RBFOX1: variants seen among roughly 807,000 people sequenced by gnomAD.
RBFOX1 encodes the protein RNA binding protein fox-1 homolog 1.
A neutral mutation model predicts 57.7 loss-of-function variants in RBFOX1; 8 were observed. The observed-to-expected ratio is 0.14, with a 90% CI of 0.08 to 0.25. RBFOX1 has a LOEUF of 0.25. Ranked by LOEUF, RBFOX1 falls within the 10% of genes least tolerant of loss-of-function variation. RBFOX1 has a pLI of 1.00. For missense variants in RBFOX1, 611 were observed against 548.5 expected (o/e 1.11, Z -1.14); for synonymous variants, 326 against 222.4 (o/e 1.47, Z -4.15).
At chr16:6,412,404 G>T (rs577711374) in intron 2 of RBFOX1, among the ~76,000 whole-genome samples, 29 of 152,234 alleles carry the variant, frequency 1.9e-4, no homozygotes, top group African/African-American at 6.5e-4. Flanking sequence ...GGCCTTATTA[G>T]TCTCTCTGGT....
intron 1 of RBFOX1, among the ~76,000 whole-genome samples, chr16:5,413,804 G>A (rs1371831343): frequency 1.3e-5 from 2 of 152,194 alleles, no homozygotes; most frequent in Non-Finnish European, 2.9e-5. Flanking sequence ...TAGGGGTGAG[G>A]TGTGGAGGGT....
chr16:6,850,813 C>G (rs1474963314), intron 3 of RBFOX1, among the ~76,000 whole-genome samples: 1 of 152,184 alleles, frequency 6.6e-6, no homozygotes, highest in African/African-American at 2.4e-5. Context: ...AAAATCATCT[C>G]TCATTTTCTT....
Position 6,193,362 on chromosome 16 carries a change from A to ATATATATATACACATTATATATATATAC in RBFOX1, c.-126-123623_-126-123622insCACATTATATATATATACTATATATATA, listed in dbSNP as rs1555545277. On this transcript the variant is annotated intron_variant, in intron 1 of 15. Transcript: ENST00000550418. ...TTCTTTACATATATATACATTATATATATATATATATATACATTATATATA... is the reference window on the plus strand; with the variant it reads ...TTCTTTACATATATATACATTATATATATATATATACACATTATATATATATACTATATATATATATACATTATATATA... 1.3e-3 allele frequency among the ~76,000 whole-genome samples: 127 copies of ATATATATATACACATTATATATATATAC among 101,308 alleles called. 10 individuals carry two copies. Among genetic ancestry groups the ATATATATATACACATTATATATATATAC allele is most frequent in the Non-Finnish European group, 1.8e-3 (91 of 50,568 alleles). 66.5% of individuals were successfully genotyped at this position (101,308 alleles called of 152,430 possible).
intron 3 of RBFOX1, among the ~76,000 whole-genome samples, chr16:6,911,787 AGAGAT>A (rs1318585195): frequency 6.6e-6 from 1 of 152,162 alleles, no homozygotes; most frequent in East Asian, 1.9e-4. Flanking sequence ...CACTTATAGA[AGAGAT>A]CTATTTTTTC....
chr16:7,046,709 G>A (rs916893275), intron 3 of RBFOX1, among the ~76,000 whole-genome samples: 8 of 144,854 alleles, frequency 5.5e-5, no homozygotes, highest in Non-Finnish European at 1.0e-4. Flanking sequence ...GGGTTCAAAC[G>A]ATTCTCCTGC....
chr16:5,555,274 A>T (rs1322124373), intron 2 of RBFOX1, among the ~76,000 whole-genome samples: 4 of 151,888 alleles, frequency 2.6e-5, no homozygotes, highest in African/African-American at 4.8e-5. Flanking sequence ...TATTTTTGAG[A>T]TGGAGTCTCA....
At chr16:7,322,184 T>C (rs1339973193) in intron 4 of RBFOX1, among the ~76,000 whole-genome samples, 2 of 152,258 alleles carry the variant, frequency 1.3e-5, no homozygotes, top group Admixed American at 1.3e-4. Flanking sequence ...AGCCATCTCC[T>C]GTTCTGAGAT....
chr16:7,388,506 G>C (rs146449361), intron 4 of RBFOX1, among the ~76,000 whole-genome samples: 1 of 152,006 alleles, frequency 6.6e-6, no homozygotes, highest in Non-Finnish European at 1.5e-5. Flanking sequence ...GGGATAACTT[G>C]TTTCATCCCC....
chr16:5,660,651 T>A (rs2049616403), intron 3 of RBFOX1, among the ~76,000 whole-genome samples: 6 of 151,948 alleles, frequency 3.9e-5, no homozygotes, highest in Admixed American at 3.9e-4. Context: ...AGTTCATTAT[T>A]TTTTTTTATA....
chr16:7,447,034 G>C (rs1417189113), intron 4 of RBFOX1, among the ~76,000 whole-genome samples: 1 of 151,456 alleles, frequency 6.6e-6, no homozygotes, highest in East Asian at 2.0e-4. Context: ...GGATGGTCTT[G>C]ATCTCATGAC....
intron 2 of RBFOX1, among the ~76,000 whole-genome samples, chr16:5,487,690 A>G (rs754375657): frequency 5.9e-5 from 9 of 152,228 alleles, no homozygotes; most frequent in Non-Finnish European, 8.8e-5. Context: ...ATGTCTTCCA[A>G]GATGGTGGAG....
intron 3 of RBFOX1, chr16:5,867,277 A>T: frequency 8.5e-7 from 1 of 1,173,488 alleles, no homozygotes. Context: ...AATCAATACT[A>T]ATGTCTTTTT....
intron 1 of RBFOX1, among the ~76,000 whole-genome samples, chr16:6,185,831 C>T (rs2097101610): frequency 6.6e-6 from 1 of 152,112 alleles, no homozygotes; most frequent in African/African-American, 2.4e-5. Context: ...GAGTAGGAGA[C>T]AGGAGGAGAG....
At chr16:7,092,284 T>C (rs1701494557) in intron 4 of RBFOX1, among the ~76,000 whole-genome samples, 1 of 152,222 alleles carries the variant, frequency 6.6e-6, no homozygotes, top group Non-Finnish European at 1.5e-5. Flanking sequence ...AGAAATGCTA[T>C]CGCATTAAAA....
chr16:6,261,544 C>A (rs945815928), intron 1 of RBFOX1, among the ~76,000 whole-genome samples: 6 of 152,208 alleles, frequency 3.9e-5, no homozygotes, highest in Non-Finnish European at 7.3e-5. Context: ...GCTGGGTCAT[C>A]CTTGTCCTGG....
At chr16:6,086,443 C>G (rs1185241799) in intron 1 of RBFOX1, among the ~76,000 whole-genome samples, 1 of 152,192 alleles carries the variant, frequency 6.6e-6, no homozygotes, top group East Asian at 1.9e-4. Context: ...TGGTAAAGTC[C>G]TTTCACCAGC....
chr16:7,291,625 A>G (rs778249894), intron 4 of RBFOX1, among the ~76,000 whole-genome samples: 73 of 152,060 alleles, frequency 4.8e-4, no homozygotes, highest in Non-Finnish European at 9.7e-4. Context: ...GAAGAGCAGC[A>G]TGTGCAGATG....
At chr16:7,562,799 GT>G (rs1250785298) in intron 5 of RBFOX1, among the ~76,000 whole-genome samples, 3 of 152,256 alleles carry the variant, frequency 2.0e-5, no homozygotes, top group African/African-American at 7.2e-5. Context: ...CTGCTGGAGA[GT>G]TTGGAGCCAA....
At chr16:5,425,931 G>T in intron 1 of RBFOX1, among the ~76,000 whole-genome samples, 1 of 152,314 alleles carries the variant, frequency 6.6e-6, no homozygotes, top group Admixed American at 6.5e-5. Context: ...AGGCCCCAGT[G>T]CAAACACAAC....
Sources: allele counts gnomAD v4.1 joint callset (sites outside exome capture counted in the v4.1 genomes callset), GRCh38; gene constraint gnomAD v4.1.1; transcripts MANE v1.5; gene names NCBI Gene and HGNC (gene_info 2026-07-23, HGNC 2026-07-21).